The following PLEKHG1 variants were observed in gnomAD, a reference collection of about 807,000 sequenced individuals.
PLEKHG1 encodes pleckstrin homology and RhoGEF domain containing G1, also known as pleckstrin homology domain-containing family G member 1.
PLEKHG1 carries 44 observed loss-of-function variants against 100.8 expected under a neutral mutation model. The ratio of observed to expected loss-of-function variants is 0.44; its 90% CI spans 0.34 to 0.56. The LOEUF is 0.56. PLEKHG1 is among the 20% of genes least tolerant of loss of function. PLEKHG1 has a pLI of 0.01. For missense variants in PLEKHG1, 1,545 were observed against 1,720.9 expected (o/e 0.90, Z 1.81); for synonymous variants, 640 against 662.5 (o/e 0.97, Z 0.52).
chr6:150,702,703 AC>A (rs1434032686), intron 3 of PLEKHG1, among the ~76,000 whole-genome samples: 1 of 152,334 alleles, frequency 6.6e-6, no homozygotes, highest in Non-Finnish European at 1.5e-5. Flanking sequence ...TAAATAAAAA[AC>A]ATAAGCAAAA....
At chr6:150,745,677 C>T (rs148854026) in intron 2 of PLEKHG1, among the ~76,000 whole-genome samples, 2,890 of 137,236 alleles carry the variant, frequency 0.021, 85 homozygotes, top group African/African-American at 0.074. Flanking sequence ...AGCGAGACTC[C>T]ATCTCAAAAA....
intron 3 of PLEKHG1, among the ~76,000 whole-genome samples, chr6:150,677,640 C>T (rs537693805): frequency 4.6e-5 from 7 of 152,130 alleles, no homozygotes; most frequent in South Asian, 2.1e-4. Context: ...GAAGCTGAGG[C>T]AAGAGGATCA....
At chr6:150,839,782 C>A in intron 15 of PLEKHG1, 51 bp from the exon 17 acceptor site, 1 of 1,102,364 alleles carries the variant, frequency 9.1e-7, no homozygotes, top group Non-Finnish European at 1.3e-6. Flanking sequence ...TTAATCTTCA[C>A]GTATAGGAAT....
chr6:150,670,257 A>T (rs1340141799), intron 3 of PLEKHG1, among the ~76,000 whole-genome samples: 4 of 152,252 alleles, frequency 2.6e-5, no homozygotes. Flanking sequence ...AAATCAACTT[A>T]CACAGGTTTT....
Position 150,831,886 on chromosome 6 carries a change from A to C in PLEKHG1, c.2775A>C (p.Glu925Asp), listed in dbSNP as rs750284778. The change falls in exon 15 of 16, where the codon GAA (glutamate) becomes GAC (aspartate). Residue 925 changes from glutamate to aspartate, a missense_variant. Glu to Asp is a conservative substitution (Grantham distance 45). Transcript: ENST00000358517. This position sits in a 1 kb window ranked among gnomAD's most constrained non-coding sequence, Gnocchi z 4.1. Reference sequence around the variant, plus strand: ...TTGAGGAAGACCTGATTTCTAAAGAAGGCTCCTTTATGAGCCTTAACCGGC... The same window carrying C: ...TTGAGGAAGACCTGATTTCTAAAGACGGCTCCTTTATGAGCCTTAACCGGC... 14 of 1,613,898 alleles carry C rather than the reference A, an allele frequency of 8.7e-6. No homozygotes were observed. The highest frequency in any genetic ancestry group is 1.3e-5 in the African/African-American group (1 of 74,912).
At chr6:150,734,530 C>T (rs1583025960) in intron 2 of PLEKHG1, among the ~76,000 whole-genome samples, 1 of 152,166 alleles carries the variant, frequency 6.6e-6, no homozygotes, top group Non-Finnish European at 1.5e-5. Flanking sequence ...AGACGTGAAT[C>T]TCATACTCAG....
intron 3 of PLEKHG1, among the ~76,000 whole-genome samples, chr6:150,665,383 C>CA (rs1215964800): frequency 1.3e-5 from 2 of 152,166 alleles, no homozygotes; most frequent in Admixed American, 1.3e-4. Context: ...GTAATCCCAA[C>CA]ACTTTGGGAG....
exon 15 of PLEKHG1, chr6:150,830,995 T>A: frequency 1.2e-6 from 2 of 1,613,896 alleles, no homozygotes; most frequent in Non-Finnish European, 1.7e-6. Flanking sequence ...GTGACAGAAC[T>A]AGGGAACTGC....
rs189464806 is a variant in PLEKHG1, at chr6:150,649,076, A to T, written c.-157-1652A>T. On this transcript the variant is annotated intron_variant, in intron 2 of 3. Coordinates refer to the PLEKHG1 transcript ENST00000367326. ...TTTTTTTTTAATTTGTCTTGCCTAT[A>T]TCATATTTATTTCAGACTTAACTGA... Among the ~76,000 whole-genome samples the T allele has an allele frequency of 2.9e-3, 442 of 152,178 alleles. 2 individuals are homozygous for T. The highest frequency in any genetic ancestry group is 0.01 in the African/African-American group (427 of 41,558).
intron 3 of PLEKHG1, chr6:150,651,265 C>T (rs1323970448): frequency 6.6e-6 from 1 of 152,176 alleles, no homozygotes; most frequent in Admixed American, 6.5e-5. Context: ...GAGACAGGGT[C>T]TCGCTTTGTC....
chr6:150,767,466 A>G lies in PLEKHG1; in HGVS notation c.412-1172A>G, dbSNP rs528923792. Among the ~76,000 whole-genome samples the G allele has an allele frequency of 2.6e-5, 4 of 152,384 alleles. No individual in the cohort carries two copies. The South Asian group carries it at 8.3e-4, about 32-fold the overall frequency. ...ACAATGATTTTAGTATGAAAGCACT[A>G]GAACGAAACCTAATTTGATGCAAAC... On this transcript the variant is annotated intron_variant, in intron 2 of 15. Coordinates refer to ENST00000358517, the Ensembl canonical transcript of PLEKHG1.
chr6:150,631,166 C>A (rs1777732039), intron 1 of PLEKHG1, among the ~76,000 whole-genome samples: 1 of 152,190 alleles, frequency 6.6e-6, no homozygotes, highest in Non-Finnish European at 1.5e-5. Flanking sequence ...GTTTCTGCAT[C>A]TTCTGTGGCT....
At chr6:150,603,064 A>C (rs1182980328) in intron 1 of PLEKHG1, among the ~76,000 whole-genome samples, 2 of 129,856 alleles carry the variant, frequency 1.5e-5, no homozygotes, top group African/African-American at 5.6e-5. Flanking sequence ...CCTGGGCGAC[A>C]GCGAGACTCC....
chr6:150,765,029 G>T (rs1033790818), intron 2 of PLEKHG1, among the ~76,000 whole-genome samples: 2 of 152,180 alleles, frequency 1.3e-5, no homozygotes, highest in South Asian at 2.1e-4. Flanking sequence ...TGGGAGGAAG[G>T]CTTGTATAAA....
In PLEKHG1 at chr6:150,781,969, A is replaced by G. The variant is rs995773440; in HGVS notation, c.513-4421A>G. Reference sequence around the variant, plus strand: ...TTTTTTTTGTATTTTCAGTAGAGACAGGGTTTCGCTGTGTTAGCCAGGATG... The same window carrying G: ...TTTTTTTTGTATTTTCAGTAGAGACGGGGTTTCGCTGTGTTAGCCAGGATG... On this transcript the variant is annotated intron_variant, in intron 3 of 15. Transcript: ENST00000358517. 6.6e-5 allele frequency among the ~76,000 whole-genome samples: 10 copies of G among 151,572 alleles called. No homozygotes were observed. The East Asian group carries it at 1.6e-3, about 24-fold the overall frequency.
rs1305352372 is a variant in PLEKHG1, at chr6:150,834,586, G to A, written c.3094+2381G>A. Among the ~76,000 whole-genome samples, 5 of 152,178 alleles carry A rather than the reference G, an allele frequency of 3.3e-5. No individual in the cohort carries two copies. In the South Asian group the frequency reaches 8.3e-4, roughly 25 times the overall value. On this transcript the variant is annotated intron_variant, in intron 15 of 15. Coordinates refer to ENST00000358517, the Ensembl canonical transcript of PLEKHG1. ...AATCATTAGGGCCTACGACTACCTC[G>A]AGTAGTCTTCTTTTTTACCCACCTT...
chr6:150,641,292 C>G (rs930755156), intron 2 of PLEKHG1, among the ~76,000 whole-genome samples: 50 of 151,976 alleles, frequency 3.3e-4, no homozygotes, highest in Middle Eastern at 3.4e-3. Flanking sequence ...TGACGAAAAC[C>G]CTGATGGTTT....
At chr6:150,807,933 C>A (rs1379158998) in intron 7 of PLEKHG1, among the ~76,000 whole-genome samples, 1 of 152,076 alleles carries the variant, frequency 6.6e-6, no homozygotes, top group African/African-American at 2.4e-5. Flanking sequence ...TGTGCCACTG[C>A]ACTCCAGCCT....
intron 15 of PLEKHG1, among the ~76,000 whole-genome samples, chr6:150,839,626 T>C (rs951180368): frequency 2.0e-5 from 3 of 152,190 alleles, no homozygotes; most frequent in Non-Finnish European, 4.4e-5. Flanking sequence ...AATGAACTTT[T>C]AGGTGGCATT....
Sources: gnomAD v4.1 joint callset for allele counts (sites outside exome capture counted in the v4.1 genomes callset) on GRCh38, gnomAD v4.1.1 for gene constraint, Gnocchi (gnomAD v3.1) non-coding constraint, MANE v1.5 for transcripts, NCBI Gene and HGNC (gene_info 2026-07-23, HGNC 2026-07-21) for gene names.